The following INAVA variants were observed in gnomAD, a reference collection of about 807,000 sequenced individuals.
The protein encoded by INAVA is innate immunity activator protein.
In INAVA, 32 loss-of-function variants were observed where a neutral mutation model predicts 55.3. The observed-to-expected ratio is 0.58, with a 90% CI of 0.44 to 0.78. The LOEUF is 0.78. Among genes scored for constraint, INAVA ranks in the 30% least tolerant of loss-of-function variants. The pLI is 0.00. For synonymous variants in INAVA, 294 were observed against 329.4 expected, an observed-to-expected ratio of 0.89 and a Z score of 1.16; for missense variants, 756 against 786.4, an observed-to-expected ratio of 0.96 and a Z score of 0.46.
chr1:200,895,667 A>G (rs1668331608), intron 1 of INAVA, among the ~76,000 whole-genome samples: 1 of 152,082 alleles, frequency 6.6e-6, no homozygotes, highest in Non-Finnish European at 1.5e-5. Context: ...GGTTCCCTAC[A>G]GCTGTGGAGG....
intron 6 of INAVA, 156 bp from the exon 7 acceptor site, chr1:200,908,574 A>G (rs1653585104): frequency 7.9e-6 from 5 of 635,268 alleles, no homozygotes; most frequent in Non-Finnish European, 1.4e-5. Flanking sequence ...AGAAGAAAAC[A>G]TGTTTGAGCA....
Position 200,898,474 on chromosome 1 carries a change from C to A in INAVA, c.55+19C>A. The A allele has an allele frequency of 1.9e-6, 3 of 1,612,464 alleles. No homozygotes were observed. The highest frequency in any genetic ancestry group is 2.2e-5 in the East Asian group (1 of 44,870). ...CAGTCTGGTGAGTGTTCAGGGAAAT[C>A]CCCCTGCCCTAGTCCCTAGTCCCTG... On this transcript the variant is annotated intron_variant, in intron 2 of 9. Coordinates refer to ENST00000413687, the MANE Select transcript of INAVA (RefSeq NM_001142569.3).
At chr1:200,894,481 A>T (rs1355432741), upstream of INAVA, among the ~76,000 whole-genome samples, 1 of 152,148 alleles carries the variant, frequency 6.6e-6, no homozygotes, top group Non-Finnish European at 1.5e-5. Context: ...TGTGGGGAAG[A>T]GCAGTGACCC....
chr1:200,912,229 G>A (rs1653783846), intron 9 of INAVA, 92 bp downstream of exon 9: 2 of 1,195,836 alleles, frequency 1.7e-6, no homozygotes, highest in Non-Finnish European at 2.3e-6. Flanking sequence ...GGGTACAGAG[G>A]CATCAAAGCA....
chr1:200,898,599 G>A, intron 2 of INAVA, 144 bp downstream of exon 2: 2 of 898,088 alleles, frequency 2.2e-6, no homozygotes, highest in South Asian at 3.4e-5. Context: ...GGAGGGAGAG[G>A]CCTCTGCTGG....
At chr1:200,899,822 T>C (rs1161016803) in intron 3 of INAVA, among the ~76,000 whole-genome samples, 4 of 152,272 alleles carry the variant, frequency 2.6e-5, no homozygotes, top group Non-Finnish European at 4.4e-5. Context: ...ACAAAGTTCA[T>C]CAGGGGCTGC....
chr1:200,909,094 C>T, intron 7 of INAVA, 130 bp from the exon 8 acceptor site: 1 of 1,298,024 alleles, frequency 7.7e-7, no homozygotes, highest in Non-Finnish European at 1.0e-6. Context: ...CTTGATAGTT[C>T]CCCAAGGGTG....
chr1:200,900,815 C>T, intron 4 of INAVA, 122 bp from the exon 5 acceptor site: 1 of 689,978 alleles, frequency 1.4e-6, no homozygotes, highest in Non-Finnish European at 2.4e-6. Flanking sequence ...CTGCTGTCTG[C>T]CTCTCTTCTG....
chr1:200,909,873 A>T (rs1270104425), intron 8 of INAVA, among the ~76,000 whole-genome samples: 3 of 152,216 alleles, frequency 2.0e-5, no homozygotes, highest in East Asian at 3.8e-4. Flanking sequence ...GACATTTTGC[A>T]TCAACTGATT....
intron 5 of INAVA, among the ~76,000 whole-genome samples, chr1:200,902,038 C>T (rs1653282299): frequency 6.6e-6 from 1 of 152,198 alleles, no homozygotes; most frequent in South Asian, 2.1e-4. Context: ...TGACTCAGCT[C>T]TGCCCCCCGT....
At position 200,901,083 on chromosome 1, in the gene INAVA, G is replaced by A; in HGVS notation, c.444G>A (p.Gln148=). Residue 148 remains glutamine (Q), a synonymous_variant, in exon 5 of 10, where the codon CAG becomes CAA. Coordinates refer to ENST00000413687, the MANE Select transcript of INAVA (RefSeq NM_001142569.3). ...HSMLQEEKKL[Q]ELQRCLVERR... ...TGCTGCAGGAGGAGAAGAAGCTGCAGGAGCTCCAGCGCTGCCTGGTCGAGC... is the reference window on the plus strand; with the variant it reads ...TGCTGCAGGAGGAGAAGAAGCTGCAAGAGCTCCAGCGCTGCCTGGTCGAGC... The A allele has an allele frequency of 6.5e-7, 1 of 1,540,192 alleles. No individual in the cohort carries two copies. Among genetic ancestry groups the A allele is most frequent in the South Asian group, 1.2e-5 (1 of 83,944 alleles).
chr1:200,891,800 C>T, upstream of INAVA: 2 of 819,634 alleles, frequency 2.4e-6, no homozygotes, highest in Non-Finnish European at 3.5e-6. Context: ...GGGTGCCCTA[C>T]AGGGAATGGG....
At chr1:200,894,179 G>A (rs1038669221), upstream of INAVA, among the ~76,000 whole-genome samples, 1 of 152,126 alleles carries the variant, frequency 6.6e-6, no homozygotes, top group Admixed American at 6.5e-5. Context: ...TGGACTTAGG[G>A]TCTGGGGTCA....
intron 8 of INAVA, among the ~76,000 whole-genome samples, chr1:200,909,761 T>C (rs906919521): frequency 6.6e-6 from 1 of 152,228 alleles, no homozygotes; most frequent in Non-Finnish European, 1.5e-5. Flanking sequence ...CTGTGGTAGT[T>C]ATGTTCTATA....
intron 3 of INAVA, 111 bp downstream of exon 3, chr1:200,899,708 G>A: frequency 2.0e-6 from 3 of 1,467,008 alleles, no homozygotes; most frequent in Non-Finnish European, 9.1e-7. Flanking sequence ...AGGGAATTCT[G>A]GACATCAGGC....
In INAVA at chr1:200,911,843, G is replaced by A. The variant is rs1437234413; in HGVS notation, c.1350G>A (p.Trp450Ter). The change falls in exon 9 of 10, where the codon TGG becomes TGA. Residue 450 changes from tryptophan to a stop codon, truncating the protein, a stop_gained. Transcript: ENST00000413687. LOFTEE classifies it high-confidence loss of function. ...AGAGCCCCCTGCCGCCTGGCGAGTGGGAGCTGCGCCGCGCAGCCCCGGGCC... is the reference window on the plus strand; with the variant it reads ...AGAGCCCCCTGCCGCCTGGCGAGTGAGAGCTGCGCCGCGCAGCCCCGGGCC... Reference protein sequence around the residue: ...VAESPLPPGEWELRRAAPGPA... With the variant: ...VAESPLPPGE 1 of 1,599,544 alleles carries A rather than the reference G, an allele frequency of 6.3e-7. No homozygotes were observed.
chr1:200,895,617 G>A (rs1387982657), intron 1 of INAVA, among the ~76,000 whole-genome samples: 1 of 152,132 alleles, frequency 6.6e-6, no homozygotes, highest in African/African-American at 2.4e-5. Context: ...CCTCCTGGGT[G>A]GGGGTGGTGC....
chr1:200,898,504 C>T (rs778746826), intron 2 of INAVA, 49 bp downstream of exon 2: 1 of 1,597,296 alleles, frequency 6.3e-7, no homozygotes, highest in South Asian at 1.1e-5. Flanking sequence ...TCCCTGGTCC[C>T]TGGTCCCTGG....
At chr1:200,899,739 C>T in intron 3 of INAVA, 142 bp downstream of exon 3, 1 of 1,229,486 alleles carries the variant, frequency 8.1e-7, no homozygotes, top group Non-Finnish European at 1.1e-6. Flanking sequence ...GGCCCAGAGT[C>T]CCCATGATGC....
Sources: allele counts gnomAD v4.1 joint callset (sites outside exome capture counted in the v4.1 genomes callset), GRCh38; gene constraint gnomAD v4.1.1; transcripts MANE v1.5; gene names NCBI Gene and HGNC (gene_info 2026-07-23, HGNC 2026-07-21).